The following SULF2 variants were observed in gnomAD, a reference collection of about 807,000 sequenced individuals.
The protein encoded by SULF2 is sulfatase 2, also known as extracellular sulfatase Sulf-2.
In SULF2, 52 loss-of-function variants were observed where a neutral mutation model predicts 107.7. The ratio of observed to expected loss-of-function variants is 0.48; its 90% confidence interval spans 0.39 to 0.61. The LOEUF (loss-of-function observed/expected upper bound fraction) is 0.61. Ranked by LOEUF, SULF2 falls within the 20% of genes least tolerant of loss-of-function variation. The probability of loss-of-function intolerance (pLI) is 0.00; values close to 1 mark genes in which losing one functional copy is unlikely to be tolerated. For synonymous variants in SULF2, 460 were observed against 464.3 expected, an observed-to-expected ratio of 0.99 and a Z score of 0.12; for missense variants, 993 against 1,177.3, an observed-to-expected ratio of 0.84 and a Z score of 2.29.
At chr20:47,765,308 C>G (rs116801709) in intron 1 of SULF2, among the ~76,000 whole-genome samples, 58 of 150,432 alleles carry the variant, frequency 3.9e-4, no homozygotes, top group South Asian at 2.3e-3. Context: ...GAGCCGAGAT[C>G]GAGCCACTGT....
chr20:47,683,536 G>C (rs1038841331), intron 6 of SULF2, among the ~76,000 whole-genome samples: 2 of 152,250 alleles, frequency 1.3e-5, no homozygotes, highest in Non-Finnish European at 2.9e-5. Flanking sequence ...GTGAATGAAT[G>C]AATGAGTGAA....
chr20:47,715,131 T>C (rs1397478692), intron 3 of SULF2, among the ~76,000 whole-genome samples: 3 of 150,300 alleles, frequency 2.0e-5, no homozygotes. Context: ...AGGGTTTCAT[T>C]ATGTTGCCCA....
intron 3 of SULF2, among the ~76,000 whole-genome samples, chr20:47,725,730 C>T (rs1234088416): frequency 6.6e-6 from 1 of 152,200 alleles, no homozygotes; most frequent in Non-Finnish European, 1.5e-5. Flanking sequence ...CCCACCCAGC[C>T]TGCCTCTCTG....
intron 1 of SULF2, among the ~76,000 whole-genome samples, chr20:47,759,654 T>C (rs142032341): frequency 6.6e-6 from 1 of 152,312 alleles, no homozygotes; most frequent in East Asian, 1.9e-4. Flanking sequence ...ATCATGTCAT[T>C]GCACTCCAGC....
chr20:47,658,435 G>A, intron 20 of SULF2, 43 bp from the exon 21 acceptor site: 1 of 1,596,066 alleles, frequency 6.3e-7, no homozygotes, highest in Non-Finnish European at 8.6e-7. Flanking sequence ...AGCTATCATG[G>A]TCTTTATCAT....
At chr20:47,689,975 T>C (rs1602653174) in intron 5 of SULF2, 151 bp downstream of exon 5, 4 of 778,250 alleles carry the variant, frequency 5.1e-6, no homozygotes, top group Non-Finnish European at 7.0e-6. Flanking sequence ...AGTTTCACCA[T>C]GGACAAGCAG....
At chr20:47,775,554 C>T (rs887011642) in intron 1 of SULF2, among the ~76,000 whole-genome samples, 1 of 152,232 alleles carries the variant, frequency 6.6e-6, no homozygotes, top group Non-Finnish European at 1.5e-5. Flanking sequence ...GATCAGAGCC[C>T]ATTCCCCCAA....
At chr20:47,686,623 G>C (rs2088012801) in intron 5 of SULF2, among the ~76,000 whole-genome samples, 1 of 152,224 alleles carries the variant, frequency 6.6e-6, no homozygotes, top group Non-Finnish European at 1.5e-5. Flanking sequence ...TGGTCAGAGG[G>C]GCACAGACAT....
chr20:47,700,739 G>A (rs928795250), intron 4 of SULF2, among the ~76,000 whole-genome samples: 1 of 146,980 alleles, frequency 6.8e-6, no homozygotes. Flanking sequence ...TCTGCCTCCC[G>A]GGTTCACACC....
chr20:47,659,742 A>T lies in SULF2; in HGVS notation c.2495-12T>A. ...TCCATCTTTAAGTCCTAAATGAAGGAGAAATGAAAAACAAAACAGGAGCAG... is the reference window on the plus strand; with the variant it reads ...TCCATCTTTAAGTCCTAAATGAAGGTGAAATGAAAAACAAAACAGGAGCAG... On this transcript the variant is annotated splice_polypyrimidine_tract_variant and intron_variant, in intron 18 of 20. Transcript: ENST00000688720. The T allele has an allele frequency of 6.2e-7, 1 of 1,611,368 alleles. No individual in the cohort carries two copies. The highest frequency in any genetic ancestry group is 1.3e-5 in the African/African-American group (1 of 74,756).
intron 10 of SULF2, among the ~76,000 whole-genome samples, chr20:47,673,139 C>T (rs1201309285): frequency 1.3e-5 from 2 of 152,216 alleles, no homozygotes. Flanking sequence ...CCTCCTGGAT[C>T]CCCTCACGGG....
intron 7 of SULF2, among the ~76,000 whole-genome samples, chr20:47,681,687 C>T (rs111459938): frequency 5.9e-5 from 9 of 152,152 alleles, no homozygotes; most frequent in South Asian, 2.1e-4. Flanking sequence ...GATGCTGAAA[C>T]GAATTATTAA....
Position 47,765,954 on chromosome 20 carries a change from C to T in SULF2, c.-100-8491G>A, listed in dbSNP as rs181502193. Among the ~76,000 whole-genome samples the T allele has an allele frequency of 2.6e-5, 4 of 152,336 alleles. No homozygotes were observed. In the East Asian group the frequency reaches 7.7e-4, roughly 29 times the overall value. The stretch of plus-strand genomic sequence containing the variant: ...GAGGGCTTCCTGGAGGAGTACTTAG[C>T]ATAAACTGAGCAGCCTAACAGGAGC... On this transcript the variant is annotated intron_variant, in intron 1 of 20. Transcript: ENST00000688720.
rs1405506477 is a variant in SULF2, at chr20:47,661,841, T to C, written c.2426A>G (p.Gln809Arg). ...CTTGCAGCTCCTCAGCTCCATGAGC[T>C]GTACGTGTAGCTGGTTGAGGACATC... ...DRDVLNQLHV[Q>R]LMELRSCKGY... Residue 809 changes from glutamine (Q) to arginine (R), a missense_variant, in exon 18 of 21, where the codon CAG (glutamine) becomes CGG (arginine). This residue lies in a region of SULF2 where 497 missense variants were observed against 544.1 expected (regional missense o/e 0.91). Coordinates refer to ENST00000688720, the MANE Select transcript of SULF2 (RefSeq NM_001387048.1). 6 of 1,596,512 alleles carry C rather than the reference T, an allele frequency of 3.8e-6. No individual in the cohort carries two copies. Among genetic ancestry groups the C allele is most frequent in the Non-Finnish European group, 5.1e-6 (6 of 1,168,300 alleles).
At chr20:47,780,412 G>A (rs928845734) in intron 1 of SULF2, among the ~76,000 whole-genome samples, 1 of 152,058 alleles carries the variant, frequency 6.6e-6, no homozygotes, top group Non-Finnish European at 1.5e-5. Context: ...CCTTCTACCT[G>A]GCATGCTCTT....
rs1236679805 is a variant in SULF2 at position 47,694,970 on chromosome 20, C to G, written c.568-4675G>C. On this transcript the variant is annotated intron_variant, in intron 4 of 20. Transcript: ENST00000688720. The surrounding 1 kb of genome is among the most constrained non-coding windows in gnomAD (Gnocchi z 4.4). Reference sequence around the variant, plus strand: ...TAAGCCATGCATCCAGAGCTGGAGCCAAGGCCTTTGTATTTTTGGGTCAGG... The same window carrying G: ...TAAGCCATGCATCCAGAGCTGGAGCGAAGGCCTTTGTATTTTTGGGTCAGG... 1.3e-5 allele frequency among the ~76,000 whole-genome samples: 2 copies of G among 152,166 alleles called. No individual in the cohort carries two copies. Among genetic ancestry groups the G allele is most frequent in the Non-Finnish European group, 2.9e-5 (2 of 68,036 alleles).
intron 3 of SULF2, among the ~76,000 whole-genome samples, chr20:47,708,147 C>A (rs768990748): frequency 6.6e-6 from 1 of 152,138 alleles, no homozygotes; most frequent in Non-Finnish European, 1.5e-5. Flanking sequence ...TGCCCTCGTG[C>A]AGTTGATGTT....
chr20:47,693,709 A>AT (rs1379987229), intron 4 of SULF2, among the ~76,000 whole-genome samples: 1 of 152,238 alleles, frequency 6.6e-6, no homozygotes, highest in Non-Finnish European at 1.5e-5. Flanking sequence ...GGATGAAAGA[A>AT]TAAAGGTATG....
Position 47,694,420 on chromosome 20 carries a change from C to T in SULF2, c.568-4125G>A, listed in dbSNP as rs976006823. 7.9e-5 allele frequency among the ~76,000 whole-genome samples: 12 copies of T among 152,168 alleles called. No homozygotes were observed. Among genetic ancestry groups the T allele is most frequent in the Admixed American group, 5.9e-4 (9 of 15,286 alleles). ...GATGGGCAAACTGTGTTTGGGGTGC[C>T]CGGGTCAAGCCATGAGGAAGAACTC... On this transcript the variant is annotated intron_variant, in intron 4 of 20. Coordinates refer to ENST00000688720, the MANE Select transcript of SULF2 (RefSeq NM_001387048.1). The surrounding 1 kb of genome is among the most constrained non-coding windows in gnomAD (Gnocchi z 4.4).
Sources: allele counts gnomAD v4.1 joint callset (sites outside exome capture counted in the v4.1 genomes callset), GRCh38; gene constraint gnomAD v4.1.1; regional missense constraint gnomAD v4.1.1; non-coding constraint Gnocchi (gnomAD v3.1); transcripts MANE v1.5; gene names NCBI Gene and HGNC (gene_info 2026-07-23, HGNC 2026-07-21).